Variants in POMT2 observed in about 807,000 individuals in gnomAD.
POMT2 encodes protein O-mannosyl-transferase 2.
In POMT2, 75 loss-of-function variants were observed where a neutral mutation model predicts 100.0. That is an observed-to-expected ratio of 0.75 (90% CI 0.62 to 0.91). The LOEUF is 0.91. POMT2 is among the 40% of genes least tolerant of loss of function. The probability of loss-of-function intolerance (pLI) is 0.00; values close to 1 mark genes in which losing one functional copy is unlikely to be tolerated. For missense variants in POMT2, 940 were observed against 955.1 expected, an observed-to-expected ratio of 0.98 and a Z score of 0.21; for synonymous variants, 378 against 374.1, an observed-to-expected ratio of 1.01 and a Z score of -0.12.
At chr14:77,313,106 C>G (rs988827378) in intron 1 of POMT2, among the ~76,000 whole-genome samples, 3 of 152,192 alleles carry the variant, frequency 2.0e-5, no homozygotes, top group Non-Finnish European at 4.4e-5. Context: ...TCCAGCAGAG[C>G]CTGGCCTTTT....
chr14:77,306,248 G>A, intron 3 of POMT2, 89 bp downstream of exon 3: 1 of 1,574,666 alleles, frequency 6.4e-7, no homozygotes, highest in Non-Finnish European at 8.6e-7. Context: ...ATTTGCACCT[G>A]CCACCACGCC....
intron 6 of POMT2, 63 bp from the exon 7 acceptor site, chr14:77,299,624 T>C (rs898506927): frequency 8.4e-7 from 1 of 1,193,972 alleles, no homozygotes; most frequent in Non-Finnish European, 1.3e-6. Context: ...TTAGGCACTA[T>C]GCATGCATTA....
chr14:77,306,109 T>G (rs1022981234), intron 3 of POMT2: 2 of 599,222 alleles, frequency 3.3e-6, no homozygotes, highest in African/African-American at 3.8e-5. Flanking sequence ...GCGTGCCTGC[T>G]TCTATCTATG....
chr14:77,295,591 CA>C (rs1314860418), intron 9 of POMT2, among the ~76,000 whole-genome samples: 1 of 148,224 alleles, frequency 6.7e-6, no homozygotes, highest in Non-Finnish European at 1.5e-5. Flanking sequence ...GAGATCACGC[CA>C]CTGCACTCCA....
rs144980919 is a variant in POMT2 at position 77,303,028 on chromosome 14, C to T, written c.548-85G>A. 1.4e-3 allele frequency: 1,411 copies of T among 981,576 alleles called. 7 individuals carry two copies. The highest frequency in any genetic ancestry group is 6.7e-3 in the South Asian group (489 of 72,798). The allele number at this position is 981,576 out of a possible 1,614,324, so 60.8% of individuals were successfully genotyped here. A position where few individuals can be genotyped will look rare whatever the true frequency, so the allele number is the denominator to read the frequency against. On this transcript the variant is annotated intron_variant, in intron 4 of 20. Transcript: ENST00000261534. ...AAGCACCCCAGTAGTAGGAAACAGT[C>T]CCTCTTGCCACTTAATTGAGTGTAA... is the stretch of plus-strand genomic sequence containing the variant.
At chr14:77,303,339 G>A (rs1055386630) in intron 4 of POMT2, among the ~76,000 whole-genome samples, 2 of 151,942 alleles carry the variant, frequency 1.3e-5, no homozygotes, top group Non-Finnish European at 2.9e-5. Context: ...GTCTCTCTTG[G>A]GGGTCGATTC....
At chr14:77,279,059 C>G in intron 18 of POMT2, 190 bp from the exon 19 acceptor site, 3 of 759,256 alleles carry the variant, frequency 4.0e-6, no homozygotes, top group Non-Finnish European at 6.7e-6. Context: ...CAGGGCCCAG[C>G]CTAGTGAGGC....
chr14:77,313,725 G>T (rs955694522), intron 1 of POMT2, among the ~76,000 whole-genome samples: 13 of 152,120 alleles, frequency 8.5e-5, no homozygotes, highest in Admixed American at 6.5e-4. Flanking sequence ...CTTGTTTTTT[G>T]AGACAGAGTT....
chr14:77,290,667 C>G (rs1362466915), intron 10 of POMT2, among the ~76,000 whole-genome samples: 2 of 152,168 alleles, frequency 1.3e-5, no homozygotes, highest in Non-Finnish European at 2.9e-5. Context: ...AGCTGTCTGA[C>G]CAAAGAAAGG....
Position 77,299,509 on chromosome 14 carries a change from G to A in POMT2, c.869C>T (p.Pro290Leu), listed in dbSNP as rs1248511525. Reference protein sequence around the residue: ...TARVLCLIVLPLALYTATFAV... With the variant: ...TARVLCLIVLLLALYTATFAV... The stretch of plus-strand genomic sequence containing the variant: ...AAAGGTGGCTGTATAGAGAGCCAGG[G>A]GCAGCACTATGAGGCACAGGACACG... The change falls in exon 7 of 21, where the codon CCC (proline) becomes CTC (leucine). Residue 290 changes from proline (P) to leucine (L), a missense_variant. Physicochemically the swap from Pro to Leu is moderately conservative, Grantham distance 98. Transcript: ENST00000261534. 8 of 1,613,986 alleles carry A rather than the reference G, an allele frequency of 5.0e-6. No individual in the cohort carries two copies. Among genetic ancestry groups the A allele is most frequent in the Non-Finnish European group, 6.8e-6 (8 of 1,180,020 alleles).
chr14:77,279,207 G>A, intron 18 of POMT2: 1 of 414,710 alleles, frequency 2.4e-6, no homozygotes, highest in Non-Finnish European at 4.5e-6. Flanking sequence ...CTTTGCAGCG[G>A]CAGACAGGCG....
Position 77,320,551 on chromosome 14 carries a change from C to T in POMT2, c.131G>A (p.Arg44Gln). The change falls in exon 1 of 21, where the codon CGG becomes CAG. Residue 44 changes from arginine to glutamine, a missense_variant. Coordinates refer to ENST00000261534, the MANE Select transcript of POMT2 (RefSeq NM_013382.7). Reference protein sequence around the residue: ...AAEAVARSPKRPAWGSRRFEA... With the variant: ...AAEAVARSPKQPAWGSRRFEA... ...GAAGCGCCGTGAGCCCCAAGCAGGCCGTTTGGGGCTTCGCGCCACAGCCTC... is the reference window on the plus strand; with the variant it reads ...GAAGCGCCGTGAGCCCCAAGCAGGCTGTTTGGGGCTTCGCGCCACAGCCTC... The T allele has an allele frequency of 6.4e-7, 1 of 1,566,508 alleles. No individual in the cohort carries two copies. Among genetic ancestry groups the T allele is most frequent in the South Asian group, 1.1e-5 (1 of 87,044 alleles).
intron 18 of POMT2, 125 bp from the exon 19 acceptor site, chr14:77,278,994 C>A: frequency 7.9e-7 from 1 of 1,273,044 alleles, no homozygotes; most frequent in Non-Finnish European, 1.1e-6. Flanking sequence ...ATTGGACCAA[C>A]CCAAACCACG....
intron 1 of POMT2, 94 bp from the exon 2 acceptor site, chr14:77,312,127 A>G (rs1182395906): frequency 6.6e-7 from 1 of 1,511,198 alleles, no homozygotes; most frequent in Non-Finnish European, 8.9e-7. Context: ...AAGGCTATGC[A>G]TTTCAAACAA....
chr14:77,312,809 A>G (rs1891487416), intron 1 of POMT2, among the ~76,000 whole-genome samples: 1 of 152,216 alleles, frequency 6.6e-6, no homozygotes, highest in Admixed American at 6.5e-5. Context: ...AGTTGAGTCT[A>G]TAAACCATGA....
intron 5 of POMT2, among the ~76,000 whole-genome samples, chr14:77,302,175 T>A (rs1006090481): frequency 6.6e-6 from 1 of 152,154 alleles, no homozygotes; most frequent in Non-Finnish European, 1.5e-5. Context: ...CTCTTCTGGT[T>A]TGAATAGAAT....
In POMT2 at chr14:77,288,828, G is replaced by A. The variant is rs763018692; in HGVS notation, c.1187C>T (p.Pro396Leu). 18 of 1,613,644 alleles carry A rather than the reference G, an allele frequency of 1.1e-5. 1 individual carries two copies. In the South Asian group the frequency reaches 1.4e-4, roughly 13 times the overall value. The change falls in exon 11 of 21, where the codon CCC becomes CTC. Residue 396 changes from proline (P) to leucine (L), a missense_variant. Pro to Leu is a moderately conservative substitution (Grantham distance 98). Transcript: ENST00000261534. The stretch of plus-strand genomic sequence containing the variant: ...CTCCACTGGGAAGGAAGGGTCTAGG[G>A]GATCTGCCAAAAAGAAACAAGCATT... ...IIKKHNTNSDPLDPSFPVEFV... is the reference protein window; with the variant it reads ...IIKKHNTNSDLLDPSFPVEFV...
At chr14:77,282,644 C>G (rs1173084603) in intron 15 of POMT2, among the ~76,000 whole-genome samples, 1 of 152,170 alleles carries the variant, frequency 6.6e-6, no homozygotes, top group African/African-American at 2.4e-5. Flanking sequence ...GCCACAGTGA[C>G]AGCTACAAGC....
rs147161761 is a variant in POMT2 at position 77,306,074 on chromosome 14, C to T, written c.438+263G>A. On this transcript the variant is annotated intron_variant, in intron 3 of 20. Transcript: ENST00000261534. ...CTCCAACCTGAGGTCTGACAGTATA[C>T]CGGGGCAGGGCAGCAGGTGACAATG... Among the ~76,000 whole-genome samples, 124 of 152,286 alleles carry T rather than the reference C, an allele frequency of 8.1e-4. 1 individual carries two copies. The highest frequency in any genetic ancestry group is 2.8e-3 in the African/African-American group (115 of 41,550).
Sources: allele counts gnomAD v4.1 joint callset (sites outside exome capture counted in the v4.1 genomes callset), GRCh38; gene constraint gnomAD v4.1.1; transcripts MANE v1.5; gene names NCBI Gene and HGNC (gene_info 2026-07-23, HGNC 2026-07-21).